The following PKNOX2 variants were observed in gnomAD, a reference collection of about 807,000 sequenced individuals.
The protein encoded by PKNOX2 is PBX/knotted 1 homeobox 2.
Under a neutral mutation model 53.1 loss-of-function variants are expected in PKNOX2, and 14 were observed. That is an observed-to-expected ratio of 0.26 (90% CI 0.17 to 0.41). The LOEUF (loss-of-function observed/expected upper bound fraction) is 0.41, where lower values mean the gene tolerates loss of function less well. PKNOX2 is among the 10% of genes least tolerant of loss of function. The pLI, the probability that PKNOX2 is intolerant of heterozygous loss-of-function variation, is 1.00. For missense variants in PKNOX2, 496 were observed against 602.8 expected, an observed-to-expected ratio of 0.82 and a Z score of 1.85; for synonymous variants, 257 against 242.8, an observed-to-expected ratio of 1.06 and a Z score of -0.54.
chr11:125,414,966 A>T (rs1287459894), intron 10 of PKNOX2, among the ~76,000 whole-genome samples: 2 of 152,132 alleles, frequency 1.3e-5, no homozygotes, highest in African/African-American at 4.8e-5. Flanking sequence ...CATCTATAAC[A>T]CCTACTGATT....
intron 2 of PKNOX2, among the ~76,000 whole-genome samples, chr11:125,303,591 C>T (rs1404085417): frequency 2.0e-5 from 3 of 152,196 alleles, no homozygotes; most frequent in Non-Finnish European, 4.4e-5. Flanking sequence ...CCAAGGTTCC[C>T]CGGCTCCATG....
rs370942768 is a variant in PKNOX2 at position 125,192,823 on chromosome 11, G to T, written c.-201+28047G>T. Among the ~76,000 whole-genome samples, 7 of 152,188 alleles carry T rather than the reference G, an allele frequency of 4.6e-5. No individual in the cohort carries two copies. In the East Asian group the frequency reaches 1.2e-3, roughly 25 times the overall value. On this transcript the variant is annotated intron_variant, in intron 1 of 12. Transcript: ENST00000298282. Reference sequence around the variant, plus strand: ...ACAGGAAATCACGGCCAGCCAGGTCGAGGGGGCTTGGTTTTGCTTTTTTGA... The same window carrying T: ...ACAGGAAATCACGGCCAGCCAGGTCTAGGGGGCTTGGTTTTGCTTTTTTGA...
chr11:125,217,879 G>A (rs1940699882), intron 1 of PKNOX2, among the ~76,000 whole-genome samples: 1 of 152,204 alleles, frequency 6.6e-6, no homozygotes, highest in South Asian at 2.1e-4. Context: ...GTGAGGTTAA[G>A]TAATTTGTCT....
chr11:125,394,140 T>G (rs1242404878), intron 6 of PKNOX2, among the ~76,000 whole-genome samples: 1 of 152,226 alleles, frequency 6.6e-6, no homozygotes, highest in Non-Finnish European at 1.5e-5. Flanking sequence ...TGGGTATTAT[T>G]AACAATCCAG....
intron 3 of PKNOX2, among the ~76,000 whole-genome samples, chr11:125,349,697 G>C (rs901197005): frequency 1.3e-5 from 2 of 152,258 alleles, no homozygotes; most frequent in East Asian, 3.9e-4. Flanking sequence ...GCACAGAGTT[G>C]GTGGTTGGTA....
intron 2 of PKNOX2, among the ~76,000 whole-genome samples, chr11:125,324,444 G>T (rs1949717260): frequency 6.6e-6 from 1 of 152,162 alleles, no homozygotes; most frequent in Non-Finnish European, 1.5e-5. Flanking sequence ...CAGCAAATAT[G>T]CTGAACACCT....
intron 5 of PKNOX2, among the ~76,000 whole-genome samples, chr11:125,382,266 C>A (rs1012489147): frequency 6.6e-6 from 1 of 152,246 alleles, no homozygotes; most frequent in Non-Finnish European, 1.5e-5. Flanking sequence ...CCCCACACAA[C>A]ACTTGTTCTC....
chr11:125,314,688 C>T (rs1156302907), intron 2 of PKNOX2, among the ~76,000 whole-genome samples: 1 of 152,120 alleles, frequency 6.6e-6, no homozygotes, highest in East Asian at 1.9e-4. Flanking sequence ...GAGTAGGGGC[C>T]ATCCCAGAAA....
At chr11:125,317,326 C>T (rs1591525469) in intron 2 of PKNOX2, among the ~76,000 whole-genome samples, 1 of 152,230 alleles carries the variant, frequency 6.6e-6, no homozygotes, top group African/African-American at 2.4e-5. Context: ...ATCATGAATG[C>T]TCTTAATGGC....
intron 2 of PKNOX2, among the ~76,000 whole-genome samples, chr11:125,279,986 A>G: frequency 6.6e-6 from 1 of 151,574 alleles, no homozygotes. Context: ...TTATACATAT[A>G]TATTAAATAT....
chr11:125,358,697 C>T (rs1052595612), intron 4 of PKNOX2, among the ~76,000 whole-genome samples: 7 of 152,360 alleles, frequency 4.6e-5, no homozygotes, highest in East Asian at 1.9e-4. Flanking sequence ...GCTCTGATGC[C>T]GGCCCTTCCT....
At chr11:125,265,646 C>T (rs1356838571) in intron 2 of PKNOX2, among the ~76,000 whole-genome samples, 2 of 152,166 alleles carry the variant, frequency 1.3e-5, no homozygotes, top group African/African-American at 4.8e-5. Flanking sequence ...AGGGGCAGTG[C>T]GGGGCTGTCA....
intron 4 of PKNOX2, among the ~76,000 whole-genome samples, chr11:125,357,119 C>G (rs1257544016): frequency 6.6e-6 from 1 of 152,200 alleles, no homozygotes; most frequent in Admixed American, 6.5e-5. Flanking sequence ...ATATGAGGGC[C>G]CACCTTCCCT....
chr11:125,358,669 G>A (rs1951753069), intron 4 of PKNOX2, among the ~76,000 whole-genome samples: 1 of 152,246 alleles, frequency 6.6e-6, no homozygotes, highest in Non-Finnish European at 1.5e-5. Context: ...GCCTCTTTGA[G>A]CTACACTGGG....
rs140979554 is a variant in PKNOX2, at chr11:125,314,496, A to G, written c.-129-17323A>G. 3.9e-5 allele frequency among the ~76,000 whole-genome samples: 6 copies of G among 152,162 alleles called. No homozygotes were observed. In the East Asian group the frequency reaches 7.8e-4, roughly 20 times the overall value. ...TCCTGGGAGCATGCTGCTTCCCCGC[A>G]TGCTTTTGCTCCTCTGGTGTGCTCT... On this transcript the variant is annotated intron_variant, in intron 2 of 12. Transcript: ENST00000298282.
intron 1 of PKNOX2, among the ~76,000 whole-genome samples, chr11:125,203,507 G>A (rs966432741): frequency 1.8e-4 from 28 of 152,200 alleles, no homozygotes; most frequent in African/African-American, 6.3e-4. Flanking sequence ...CAGGGAAGGC[G>A]GCAGAGCCAG....
At chr11:125,271,938 T>C (rs1565484838) in intron 2 of PKNOX2, among the ~76,000 whole-genome samples, 1 of 152,214 alleles carries the variant, frequency 6.6e-6, no homozygotes, top group Non-Finnish European at 1.5e-5. Context: ...GCTCTGTTAA[T>C]AAAACCTGCC....
Position 125,309,130 on chromosome 11 carries a change from CCTTTCTTT to C in PKNOX2, c.-129-22667_-129-22660del, listed in dbSNP as rs143615043. Among the ~76,000 whole-genome samples, 119 of 148,538 alleles carry C rather than the reference CCTTTCTTT, an allele frequency of 8.0e-4. 1 individual carries two copies. The highest frequency in any genetic ancestry group is 2.2e-3 in the African/African-American group (87 of 38,870). ...CAGCCTGAGATCACAATTACCTCTT[CCTTTCTTT>C]CTTTCTTTCTTTCTTTCTTTCCTTC... is the stretch of plus-strand genomic sequence containing the variant. On this transcript the variant is annotated intron_variant, in intron 2 of 12. Coordinates refer to ENST00000298282, the MANE Select transcript of PKNOX2 (RefSeq NM_001382323.2).
At chr11:125,260,315 C>A (rs1944746677) in intron 2 of PKNOX2, among the ~76,000 whole-genome samples, 1 of 152,188 alleles carries the variant, frequency 6.6e-6, no homozygotes, top group Non-Finnish European at 1.5e-5. Flanking sequence ...TCTCCTGCCT[C>A]AGCCTCCTGA....
Sources: gnomAD v4.1 joint callset for allele counts (sites outside exome capture counted in the v4.1 genomes callset) on GRCh38, gnomAD v4.1.1 for gene constraint, MANE v1.5 for transcripts, NCBI Gene and HGNC (gene_info 2026-07-23, HGNC 2026-07-21) for gene names.